The following LRBA variants were observed in gnomAD, a reference collection of about 807,000 sequenced individuals.
LRBA encodes LPS responsive beige-like anchor protein, also known as lipopolysaccharide-responsive and beige-like anchor protein.
In LRBA, 176 loss-of-function variants were observed where a neutral mutation model predicts 330.0. The ratio of observed to expected loss-of-function variants is 0.53; its 90% CI spans 0.47 to 0.60. The LOEUF is 0.60. Ranked by LOEUF, LRBA falls within the 20% of genes least tolerant of loss-of-function variation. LRBA has a pLI of 0.00. For missense variants in LRBA, 3,259 were observed against 3,444.8 expected, an observed-to-expected ratio of 0.95 and a Z score of 1.35; for synonymous variants, 1,230 against 1,193.0, an observed-to-expected ratio of 1.03 and a Z score of -0.64.
At chr4:150,934,775 G>A (rs138178938) in intron 2 of LRBA, among the ~76,000 whole-genome samples, 2,734 of 152,196 alleles carry the variant, frequency 0.018, 67 homozygotes, top group African/African-American at 0.062. Flanking sequence ...TTGGGAGGCC[G>A]AGGCGGGCAA....
chr4:150,460,710 C>T (rs1055736900), intron 44 of LRBA, among the ~76,000 whole-genome samples: 3 of 151,734 alleles, frequency 2.0e-5, no homozygotes, highest in Non-Finnish European at 4.4e-5. Flanking sequence ...CCTGTTTCTG[C>T]ACTATGGACC....
intron 33 of LRBA, among the ~76,000 whole-genome samples, chr4:150,798,928 A>T (rs1278777559): frequency 6.6e-6 from 1 of 152,208 alleles, no homozygotes; most frequent in Non-Finnish European, 1.5e-5. Context: ...CTAAGCAAAC[A>T]CAGGCTTAGG....
chr4:150,908,526 A>C (rs1190305048), intron 10 of LRBA, 59 bp from the exon 11 acceptor site: 1 of 1,514,526 alleles, frequency 6.6e-7, no homozygotes, highest in African/African-American at 1.4e-5. Flanking sequence ...AACAATTAAA[A>C]ATAAGGCACA....
chr4:150,428,975 A>G (rs1328528052), intron 46 of LRBA, among the ~76,000 whole-genome samples: 1 of 152,152 alleles, frequency 6.6e-6, no homozygotes, highest in East Asian at 1.9e-4. Flanking sequence ...TATTTAATTT[A>G]GTGCCTACCA....
chr4:150,889,942 T>C (rs1729302815), intron 17 of LRBA, among the ~76,000 whole-genome samples: 1 of 151,922 alleles, frequency 6.6e-6, no homozygotes. Flanking sequence ...CAAATCATTA[T>C]AGAAGAGTCA....
chr4:150,330,422 A>G (rs1733833507), intron 48 of LRBA, among the ~76,000 whole-genome samples: 1 of 152,180 alleles, frequency 6.6e-6, no homozygotes, highest in African/African-American at 2.4e-5. Flanking sequence ...GTCTGTCACT[A>G]CAACTACACT....
chr4:150,387,541 G>A (rs1485434179), intron 47 of LRBA, among the ~76,000 whole-genome samples: 1 of 152,038 alleles, frequency 6.6e-6, no homozygotes, highest in African/African-American at 2.4e-5. Flanking sequence ...GGGTTATTAA[G>A]GTATTATAAG....
chr4:150,904,623 T>G (rs1579155183), intron 13 of LRBA, among the ~76,000 whole-genome samples: 1 of 151,798 alleles, frequency 6.6e-6, no homozygotes. Flanking sequence ...TGCTGATTAG[T>G]AAGACAAAAA....
chr4:150,355,201 A>G (rs1737676621), intron 47 of LRBA, among the ~76,000 whole-genome samples: 1 of 152,126 alleles, frequency 6.6e-6, no homozygotes, highest in Non-Finnish European at 1.5e-5. Context: ...TAATCTACAC[A>G]TGCATTAGTG....
At chr4:150,343,290 C>T (rs1735837556) in intron 48 of LRBA, among the ~76,000 whole-genome samples, 2 of 152,328 alleles carry the variant, frequency 1.3e-5, no homozygotes, top group South Asian at 4.1e-4. Flanking sequence ...ACCATCCCTT[C>T]TAACAGTTCT....
At chr4:150,471,533 A>G (rs1476001841) in intron 43 of LRBA, 91 bp downstream of exon 43, 18 of 705,758 alleles carry the variant, frequency 2.6e-5, no homozygotes, top group Non-Finnish European at 3.7e-5. Flanking sequence ...CGGCAATAAA[A>G]CAAGCTAGTT....
intron 36 of LRBA, among the ~76,000 whole-genome samples, chr4:150,716,231 G>A (rs894597397): frequency 5.3e-5 from 8 of 152,024 alleles, no homozygotes; most frequent in African/African-American, 1.4e-4. Context: ...GATGGATCAC[G>A]AGCTCAGGAG....
At chr4:150,756,140 A>G (rs1685460131) in intron 35 of LRBA, among the ~76,000 whole-genome samples, 1 of 152,170 alleles carries the variant, frequency 6.6e-6, no homozygotes, top group Non-Finnish European at 1.5e-5. Flanking sequence ...CACCTAAACA[A>G]ATAAAATATT....
intron 37 of LRBA, among the ~76,000 whole-genome samples, chr4:150,663,189 C>T (rs1781275348): frequency 6.6e-6 from 1 of 151,984 alleles, no homozygotes; most frequent in South Asian, 2.1e-4. Context: ...AAATAAGTCA[C>T]GGTTAATGAG....
intron 2 of LRBA, among the ~76,000 whole-genome samples, chr4:150,967,247 A>C (rs1739008871): frequency 6.6e-6 from 1 of 152,224 alleles, no homozygotes; most frequent in Non-Finnish European, 1.5e-5. Flanking sequence ...CCCCTGAACA[A>C]AAATCATCAT....
At chr4:150,477,036 C>T (rs1239129198) in intron 42 of LRBA, among the ~76,000 whole-genome samples, 4 of 152,158 alleles carry the variant, frequency 2.6e-5, no homozygotes, top group Non-Finnish European at 5.9e-5. Flanking sequence ...GTTCTCACAA[C>T]TAAACCAAAA....
chr4:150,618,579 C>G (rs187035107), intron 37 of LRBA, among the ~76,000 whole-genome samples: 1 of 151,950 alleles, frequency 6.6e-6, no homozygotes, highest in East Asian at 1.9e-4. Flanking sequence ...GTATAAAGCC[C>G]TAAGTTTAGA....
At chr4:150,504,993 T>C (rs1760851700) in intron 40 of LRBA, among the ~76,000 whole-genome samples, 1 of 152,128 alleles carries the variant, frequency 6.6e-6, no homozygotes, top group Non-Finnish European at 1.5e-5. Context: ...CATTACATAA[T>C]GGTAAAGGGA....
chr4:150,800,439 A>G (rs1417116708), intron 33 of LRBA, among the ~76,000 whole-genome samples: 1 of 152,234 alleles, frequency 6.6e-6, no homozygotes, highest in Non-Finnish European at 1.5e-5. Context: ...GATAGCCCCA[A>G]TAAGGAACTT....
Sources: allele counts gnomAD v4.1 joint callset (sites outside exome capture counted in the v4.1 genomes callset), GRCh38; gene constraint gnomAD v4.1.1; transcripts MANE v1.5; gene names NCBI Gene and HGNC (gene_info 2026-07-23, HGNC 2026-07-21).